The following SYNJ2BP variants were observed in gnomAD, a reference collection of about 807,000 sequenced individuals.
SYNJ2BP encodes the protein synaptojanin 2 binding protein.
In SYNJ2BP, 10 loss-of-function variants were observed where a neutral mutation model predicts 16.9. That is an observed-to-expected ratio of 0.59 (90% CI 0.36 to 1.00). The LOEUF is 1.00. Among genes scored for constraint, SYNJ2BP ranks in the 50% least tolerant of loss-of-function variants. The pLI is 0.01. For missense variants in SYNJ2BP, 162 were observed against 186.7 expected (o/e 0.87, Z 0.77); for synonymous variants, 54 against 68.4 (o/e 0.79, Z 1.04).
chr14:70,388,937 T>TTTTTC (rs1887920739), intron 1 of SYNJ2BP, among the ~76,000 whole-genome samples: 5 of 151,756 alleles, frequency 3.3e-5, no homozygotes, highest in African/African-American at 1.2e-4. Flanking sequence ...TTTTTTTTTT[T>TTTTTC]TTTTCAGAGT....
chr14:70,396,188 C>T (rs1026873565), intron 1 of SYNJ2BP, among the ~76,000 whole-genome samples: 2 of 152,068 alleles, frequency 1.3e-5, no homozygotes, highest in African/African-American at 4.8e-5. Flanking sequence ...GCGCGATCTC[C>T]GCTCACTGAA....
At chr14:70,398,551 G>T (rs1409796559) in intron 1 of SYNJ2BP, among the ~76,000 whole-genome samples, 2 of 152,178 alleles carry the variant, frequency 1.3e-5, no homozygotes, top group Non-Finnish European at 2.9e-5. Flanking sequence ...GGCTTTGACA[G>T]CACTCAGATT....
At chr14:70,393,929 C>T (rs1420992526) in intron 1 of SYNJ2BP, among the ~76,000 whole-genome samples, 1 of 146,116 alleles carries the variant, frequency 6.8e-6, no homozygotes, top group Non-Finnish European at 1.5e-5. Context: ...TGTAACAAAC[C>T]TGCACGTTCA....
chr14:70,381,286 C>T (rs905628779), intron 2 of SYNJ2BP, among the ~76,000 whole-genome samples: 3 of 152,170 alleles, frequency 2.0e-5, no homozygotes, highest in African/African-American at 7.2e-5. Flanking sequence ...GCCTTTCAAC[C>T]CTCCTAGTTA....
At chr14:70,397,236 G>A (rs1010136468) in intron 1 of SYNJ2BP, among the ~76,000 whole-genome samples, 9 of 151,962 alleles carry the variant, frequency 5.9e-5, no homozygotes, top group Non-Finnish European at 1.3e-4. Context: ...TTAAAAATGT[G>A]TACTCTGCTG....
At chr14:70,378,424 C>T (rs55881997) in intron 2 of SYNJ2BP, among the ~76,000 whole-genome samples, 14 of 110,132 alleles carry the variant, frequency 1.3e-4, no homozygotes, top group Admixed American at 1.2e-3. Flanking sequence ...TTCCTTCAAA[C>T]TTTTTTTTTT....
At chr14:70,390,783 T>G (rs922173205) in intron 1 of SYNJ2BP, among the ~76,000 whole-genome samples, 7 of 152,156 alleles carry the variant, frequency 4.6e-5, no homozygotes, top group Non-Finnish European at 8.8e-5. Context: ...CAAATCAATT[T>G]GTAATTTAAA....
At position 70,372,896 on chromosome 14, in the gene SYNJ2BP, G is replaced by A; in HGVS notation, c.*95C>T. 1 of 1,551,246 alleles carries A rather than the reference G, an allele frequency of 6.4e-7. No individual in the cohort carries two copies. Among genetic ancestry groups the A allele is most frequent in the Admixed American group, 1.8e-5 (1 of 56,468 alleles). The stretch of plus-strand genomic sequence containing the variant: ...GTGGGTATCAGTCACTTCAAATCTG[G>A]CTATGCAGAGAGAGGGAAAGACATG... On this transcript the variant is annotated 3_prime_UTR_variant, in exon 4 of 4. Coordinates refer to ENST00000256366, the MANE Select transcript of SYNJ2BP (RefSeq NM_018373.3).
chr14:70,414,568 A>G (rs1209621317), intron 1 of SYNJ2BP, among the ~76,000 whole-genome samples: 2 of 152,206 alleles, frequency 1.3e-5, no homozygotes, highest in African/African-American at 2.4e-5. Flanking sequence ...ACAAGAGATA[A>G]TATCAGGGTC....
intron 2 of SYNJ2BP, among the ~76,000 whole-genome samples, chr14:70,383,710 T>G (rs1318254657): frequency 6.6e-6 from 1 of 152,156 alleles, no homozygotes; most frequent in Non-Finnish European, 1.5e-5. Flanking sequence ...AAAAATTAAA[T>G]TATTCCAGGT....
rs1191917852 is a variant in SYNJ2BP at position 70,367,117 on chromosome 14, G to C, written c.*5874C>G. On this transcript the variant is annotated 3_prime_UTR_variant, in exon 4 of 4. Coordinates refer to ENST00000256366, the MANE Select transcript of SYNJ2BP (RefSeq NM_018373.3). ...TTCATTCTCCCCCTGCAAGAACAAAGGCAAAATGAACAGTGAGGAAAACCT... is the reference window on the plus strand; with the variant it reads ...TTCATTCTCCCCCTGCAAGAACAAACGCAAAATGAACAGTGAGGAAAACCT... 1 of 152,128 alleles carries C rather than the reference G, an allele frequency of 6.6e-6. No individual in the cohort carries two copies. Among genetic ancestry groups the C allele is most frequent in the Non-Finnish European group, 1.5e-5 (1 of 68,026 alleles). The allele number at this position is 152,128 out of a possible 1,614,324, so 9.4% of individuals were successfully genotyped here. A position where few individuals can be genotyped will look rare whatever the true frequency, so the allele number is the denominator to read the frequency against.
chr14:70,396,994 G>A (rs1888113633), intron 1 of SYNJ2BP, among the ~76,000 whole-genome samples: 1 of 152,108 alleles, frequency 6.6e-6, no homozygotes. Flanking sequence ...TTTTAATGAA[G>A]CCCGGTTTAT....
rs376846914 is a variant in SYNJ2BP at position 70,417,005 on chromosome 14, T to C, written c.-42A>G. 6 of 1,613,810 alleles carry C rather than the reference T, an allele frequency of 3.7e-6. No homozygotes were observed. Among genetic ancestry groups the C allele is most frequent in the Non-Finnish European group, 4.2e-6 (5 of 1,179,964 alleles). On this transcript the variant is annotated 5_prime_UTR_variant, in exon 1 of 4. Coordinates refer to ENST00000256366, the MANE Select transcript of SYNJ2BP (RefSeq NM_018373.3). Reference sequence around the variant, plus strand: ...GGCTTCCTACTTGGGTCAGCTGGAGTGCAGCACAGGTGAAGGTGAATCAAT... The same window carrying C: ...GGCTTCCTACTTGGGTCAGCTGGAGCGCAGCACAGGTGAAGGTGAATCAAT...
In SYNJ2BP at chr14:70,375,659, C is replaced by T. The variant is rs750380155; in HGVS notation, c.297+17G>A. The T allele has an allele frequency of 1.9e-6, 3 of 1,606,530 alleles. No individual in the cohort carries two copies. In the East Asian group the frequency reaches 6.7e-5, roughly 36 times the overall value. ...CAAAAGCCTGGTGCCAGGTTTCTGG[C>T]TCAAAGTGATACCTACCCTGTGCTG... is the stretch of plus-strand genomic sequence containing the variant. On this transcript the variant is annotated intron_variant, in intron 3 of 3. Coordinates refer to ENST00000256366, the MANE Select transcript of SYNJ2BP (RefSeq NM_018373.3).
At chr14:70,392,228 G>A (rs1011791658) in intron 1 of SYNJ2BP, among the ~76,000 whole-genome samples, 1 of 152,164 alleles carries the variant, frequency 6.6e-6, no homozygotes, top group African/African-American at 2.4e-5. Flanking sequence ...ATTACGTTAT[G>A]CTCTGAGGAA....
rs1462053979 is a variant in SYNJ2BP at position 70,369,332 on chromosome 14, T to G, written c.*3659A>C. On this transcript the variant is annotated 3_prime_UTR_variant, in exon 4 of 4. Coordinates refer to ENST00000256366, the MANE Select transcript of SYNJ2BP (RefSeq NM_018373.3). ...TGGTCTCAAAACTCCTGAGCTCAAG[T>G]GACCCACCTGCCTAGGCCTCCTAGA... 2.0e-5 allele frequency: 3 copies of G among 152,232 alleles called. No individual in the cohort carries two copies. The highest frequency in any genetic ancestry group is 2.9e-5 in the Non-Finnish European group (2 of 68,082). 9.4% of individuals were successfully genotyped at this position (152,232 alleles called of 1,614,324 possible).
Position 70,388,715 on chromosome 14 carries a change from G to C in SYNJ2BP, c.65-109C>G, listed in dbSNP as rs149037287. The C allele has an allele frequency of 8.3e-5, 112 of 1,345,946 alleles. 1 individual carries two copies. The African/African-American group carries it at 1.5e-3, about 18-fold the overall frequency. The allele number at this position is 1,345,946 out of a possible 1,614,324, so 83.4% of individuals were successfully genotyped here. On this transcript the variant is annotated intron_variant, in intron 1 of 3. Transcript: ENST00000256366. Reference sequence around the variant, plus strand: ...GCCTACTGGGGAGGAAAGGCTGATGGAGAGGAGATGCTGGCGAGTCAGCCT... The same window carrying C: ...GCCTACTGGGGAGGAAAGGCTGATGCAGAGGAGATGCTGGCGAGTCAGCCT...
chr14:70,409,994 TGTA>T (rs1888435868), intron 1 of SYNJ2BP, among the ~76,000 whole-genome samples: 2 of 151,280 alleles, frequency 1.3e-5, no homozygotes, highest in Admixed American at 6.6e-5. Context: ...GGTGCATGTC[TGTA>T]GTCCCAGCTA....
intron 2 of SYNJ2BP, among the ~76,000 whole-genome samples, chr14:70,376,838 C>T (rs745644797): frequency 6.6e-6 from 1 of 152,202 alleles, no homozygotes. Context: ...TCCATCTTGA[C>T]TCACCAACTA....
Sources: allele counts gnomAD v4.1 joint callset (sites outside exome capture counted in the v4.1 genomes callset), GRCh38; gene constraint gnomAD v4.1.1; transcripts MANE v1.5; gene names NCBI Gene and HGNC (gene_info 2026-07-23, HGNC 2026-07-21).